ADAMTS3: variants seen among roughly 807,000 people sequenced by gnomAD.
The protein encoded by ADAMTS3 is ADAM metallopeptidase with thrombospondin type 1 motif 3.
In ADAMTS3, 73 loss-of-function variants were observed where a neutral mutation model predicts 129.0. The observed-to-expected ratio is 0.57, with a 90% CI of 0.47 to 0.69. The LOEUF is 0.69. Ranked by LOEUF, ADAMTS3 falls within the 30% of genes least tolerant of loss-of-function variation. The pLI, the probability that ADAMTS3 is intolerant of heterozygous loss-of-function variation, is 0.00. For synonymous variants in ADAMTS3, 477 were observed against 510.8 expected, an observed-to-expected ratio of 0.93 and a Z score of 0.89; for missense variants, 1,457 against 1,514.5, an observed-to-expected ratio of 0.96 and a Z score of 0.63.
At chr4:72,530,287 CATATAATATATA>C (rs1279577813) in intron 3 of ADAMTS3, among the ~76,000 whole-genome samples, 1 of 71,336 alleles carries the variant, frequency 1.4e-5, no homozygotes, top group East Asian at 4.6e-4. Context: ...TATATAATAA[CATATAATATATA>C]ATATAATTAT....
intron 18 of ADAMTS3, 50 bp downstream of exon 18, chr4:72,298,227 G>T (rs963275165): frequency 1.3e-6 from 2 of 1,483,304 alleles, no homozygotes; most frequent in African/African-American, 1.4e-5. Flanking sequence ...AAGCAAGATT[G>T]GTTTTTATAT....
At chr4:72,429,977 C>T (rs1722657876) in intron 3 of ADAMTS3, among the ~76,000 whole-genome samples, 1 of 151,928 alleles carries the variant, frequency 6.6e-6, no homozygotes, top group Admixed American at 6.6e-5. Context: ...TAATAAATGC[C>T]CAGGTAACAC....
chr4:72,385,446 C>G (rs1009148195), intron 4 of ADAMTS3, among the ~76,000 whole-genome samples: 28 of 151,860 alleles, frequency 1.8e-4, no homozygotes, highest in African/African-American at 6.5e-4. Flanking sequence ...GCAGGTAGGA[C>G]AAACAGACAG....
chr4:72,348,516 C>T (rs1480283696), intron 4 of ADAMTS3, among the ~76,000 whole-genome samples: 1 of 151,856 alleles, frequency 6.6e-6, no homozygotes, highest in African/African-American at 2.4e-5. Context: ...CTAAAATGGC[C>T]CCACTAAGAT....
intron 2 of ADAMTS3, among the ~76,000 whole-genome samples, chr4:72,557,180 A>C (rs753812402): frequency 1.3e-5 from 2 of 151,848 alleles, no homozygotes; most frequent in African/African-American, 4.9e-5. Flanking sequence ...AGATCATCTA[A>C]AGAAGCAGCT....
At position 72,529,239 on chromosome 4, in the gene ADAMTS3, G is replaced by A. The variant is rs191159588; in HGVS notation, c.504+19239C>T. On this transcript the variant is annotated intron_variant, in intron 3 of 21. Coordinates refer to ENST00000286657, the MANE Select transcript of ADAMTS3 (RefSeq NM_014243.3). ...TACAGTAAACGAAGTAAGGAGTTGA[G>A]GGGAAATGACATCAGGGAAGTATAC... Among the ~76,000 whole-genome samples, 13 of 152,266 alleles carry A rather than the reference G, an allele frequency of 8.5e-5. No individual in the cohort carries two copies. The East Asian group carries it at 1.7e-3, about 20-fold the overall frequency.
intron 4 of ADAMTS3, among the ~76,000 whole-genome samples, chr4:72,391,064 G>A (rs926408457): frequency 1.1e-4 from 16 of 152,054 alleles, no homozygotes; most frequent in Middle Eastern, 3.4e-3. Flanking sequence ...TTTGCACATT[G>A]GTCCACATCT....
intron 1 of ADAMTS3, 28 bp from the exon 2 acceptor site, chr4:72,567,429 A>C (rs1466427080): frequency 1.2e-6 from 2 of 1,611,222 alleles, no homozygotes; most frequent in Non-Finnish European, 1.7e-6. Context: ...AGCAAGAAAA[A>C]GAAAGTTACT....
chr4:72,392,023 C>T (rs1235698029), intron 4 of ADAMTS3, among the ~76,000 whole-genome samples: 2 of 152,186 alleles, frequency 1.3e-5, no homozygotes, highest in African/African-American at 2.4e-5. Flanking sequence ...GTTCCAGGTG[C>T]GTGGCCCTAT....
chr4:72,311,856 A>T (rs187562843), intron 13 of ADAMTS3, among the ~76,000 whole-genome samples: 3 of 152,286 alleles, frequency 2.0e-5, no homozygotes, highest in East Asian at 3.9e-4. Context: ...AAACTATAGT[A>T]AAAAAGTAAA....
intron 14 of ADAMTS3, 137 bp downstream of exon 14, chr4:72,310,911 A>G: frequency 1.4e-6 from 1 of 716,750 alleles, no homozygotes; most frequent in Non-Finnish European, 2.0e-6. Context: ...AATTTATTTT[A>G]GCTATTGAAC....
intron 2 of ADAMTS3, among the ~76,000 whole-genome samples, chr4:72,550,825 G>T (rs1721627468): frequency 6.6e-6 from 1 of 152,130 alleles, no homozygotes; most frequent in East Asian, 1.9e-4. Context: ...GTAAGGAGAT[G>T]AATCAAGCCC....
intron 3 of ADAMTS3, among the ~76,000 whole-genome samples, chr4:72,473,624 T>C (rs1719143552): frequency 6.6e-6 from 1 of 150,888 alleles, no homozygotes. Context: ...TAGGCCTCCA[T>C]CTTGTCAAGA....
intron 2 of ADAMTS3, among the ~76,000 whole-genome samples, chr4:72,551,713 C>T (rs1475653055): frequency 6.6e-6 from 1 of 152,100 alleles, no homozygotes; most frequent in Non-Finnish European, 1.5e-5. Flanking sequence ...CCTATTACCC[C>T]TATTCTATAA....
chr4:72,323,185 T>C (rs1230544661), intron 5 of ADAMTS3, 88 bp from the exon 6 acceptor site: 10 of 958,672 alleles, frequency 1.0e-5, no homozygotes, highest in Non-Finnish European at 1.5e-5. Context: ...TCACCACAAA[T>C]AGGTGAGTAA....
chr4:72,440,689 A>G (rs1213511142), intron 3 of ADAMTS3, among the ~76,000 whole-genome samples: 1 of 151,800 alleles, frequency 6.6e-6, no homozygotes, highest in Non-Finnish European at 1.5e-5. Flanking sequence ...TCCTTCTTCC[A>G]GTGAAGATAC....
intron 3 of ADAMTS3, among the ~76,000 whole-genome samples, chr4:72,544,802 T>C (rs75396493): frequency 1.5e-3 from 226 of 152,252 alleles, no homozygotes; most frequent in African/African-American, 4.8e-3. Context: ...AGGCCAACAA[T>C]AGAAAGAAAA....
intron 5 of ADAMTS3, among the ~76,000 whole-genome samples, chr4:72,324,944 T>C (rs985838612): frequency 4.2e-4 from 64 of 152,120 alleles, no homozygotes; most frequent in African/African-American, 1.5e-3. Context: ...CCCTCACTGC[T>C]TGTGAGACCT....
intron 3 of ADAMTS3, chr4:72,442,113 C>T (rs377647679): frequency 6.6e-6 from 1 of 151,806 alleles, no homozygotes; most frequent in Non-Finnish European, 1.5e-5. Context: ...GGTCTAGGAA[C>T]ATTTAGTGGA....
Sources: allele counts gnomAD v4.1 joint callset (sites outside exome capture counted in the v4.1 genomes callset), GRCh38; gene constraint gnomAD v4.1.1; transcripts MANE v1.5; gene names NCBI Gene and HGNC (gene_info 2026-07-23, HGNC 2026-07-21).